Variants in CDH23 observed in about 807,000 individuals in gnomAD.
CDH23 encodes the protein cadherin related 23, also known as cadherin-23.
CDH23 carries 189 observed loss-of-function variants against 317.1 expected under a neutral mutation model. The observed-to-expected ratio is 0.60, with a 90% confidence interval of 0.53 to 0.67. The LOEUF (loss-of-function observed/expected upper bound fraction) is 0.67, where lower values mean the gene tolerates loss of function less well. Among genes scored for constraint, CDH23 ranks in the 30% least tolerant of loss-of-function variants. CDH23 has a pLI of 0.00. For synonymous variants in CDH23, 1,839 were observed against 1,876.8 expected (o/e 0.98, Z 0.52); for missense variants, 4,401 against 4,592.4 (o/e 0.96, Z 1.20).
chr10:71,510,924 G>GCCC (rs1367401807), intron 4 of CDH23, 30 bp from the exon 5 acceptor site: 1 of 1,613,450 alleles, frequency 6.2e-7, no homozygotes, highest in Non-Finnish European at 8.5e-7. Flanking sequence ...CCGCCTAACT[G>GCCC]CCCCCCTCCC....
intron 3 of CDH23, among the ~76,000 whole-genome samples, chr10:71,471,995 C>T (rs1851539879): frequency 6.6e-6 from 1 of 152,234 alleles, no homozygotes; most frequent in Non-Finnish European, 1.5e-5. Flanking sequence ...CCCACATCTA[C>T]AGGTGTGCCT....
At chr10:71,714,090 G>A (rs890250418) in intron 28 of CDH23, 9 of 152,268 alleles carry the variant, frequency 5.9e-5, no homozygotes, top group South Asian at 2.1e-4. Flanking sequence ...GAAATGCAGC[G>A]TCTCAGGATG....
intron 3 of CDH23, among the ~76,000 whole-genome samples, chr10:71,480,392 A>T (rs1047789417): frequency 6.6e-6 from 1 of 152,242 alleles, no homozygotes; most frequent in Non-Finnish European, 1.5e-5. Flanking sequence ...CAGGATGCAG[A>T]CACTGCTGTC....
chr10:71,803,952 T>C (rs1589432099), intron 55 of CDH23, among the ~76,000 whole-genome samples: 2 of 128,614 alleles, frequency 1.6e-5, no homozygotes, highest in African/African-American at 3.0e-5. Flanking sequence ...ACCACTACAC[T>C]CCAGCCCGGG....
chr10:71,682,389 G>C, intron 17 of CDH23, 56 bp from the exon 18 acceptor site: 1 of 1,593,638 alleles, frequency 6.3e-7, no homozygotes, highest in East Asian at 2.3e-5. Context: ...ACCCCTGTCT[G>C]GACGGGCATC....
At chr10:71,726,570 G>T (rs561419338) in intron 30 of CDH23, among the ~76,000 whole-genome samples, 2 of 152,364 alleles carry the variant, frequency 1.3e-5, no homozygotes, top group East Asian at 3.9e-4. Context: ...CTGTGGAAAT[G>T]GCTGAGAGGG....
intron 3 of CDH23, among the ~76,000 whole-genome samples, chr10:71,452,545 C>T (rs887152692): frequency 6.6e-6 from 1 of 152,146 alleles, no homozygotes; most frequent in African/African-American, 2.4e-5. Context: ...GCTCCTCTTT[C>T]AAGCTGCAGC....
At position 71,523,311 on chromosome 10, in the gene CDH23, G is replaced by C. The variant is rs77631563; in HGVS notation, c.429+12099G>C. ...TTTTCCTTTCCTGGTCAAGGCTGGG[G>C]CAGGGCCAGGGCAATGGGAGAAGAA... On this transcript the variant is annotated intron_variant, in intron 6 of 69. Coordinates refer to ENST00000224721, the MANE Select transcript of CDH23 (RefSeq NM_022124.6). Among the ~76,000 whole-genome samples, 77 of 152,292 alleles carry C rather than the reference G, an allele frequency of 5.1e-4. No homozygotes were observed. The East Asian group carries it at 0.014, about 28-fold the overall frequency.
chr10:71,427,806 G>T (rs1344760952), intron 1 of CDH23, among the ~76,000 whole-genome samples: 6 of 151,584 alleles, frequency 4.0e-5, no homozygotes, highest in African/African-American at 1.5e-4. Flanking sequence ...TCCACCTCCT[G>T]GGTTAAAGCG....
chr10:71,620,947 G>A (rs898300125), intron 11 of CDH23, among the ~76,000 whole-genome samples: 7 of 152,202 alleles, frequency 4.6e-5, no homozygotes, highest in Non-Finnish European at 7.3e-5. Flanking sequence ...GGAGCTGGCC[G>A]GGTGAATGCA....
intron 35 of CDH23, among the ~76,000 whole-genome samples, chr10:71,739,224 T>C (rs1274928738): frequency 6.6e-6 from 1 of 152,202 alleles, no homozygotes; most frequent in African/African-American, 2.4e-5. Context: ...TGGCTGGTTG[T>C]TCCATGTTTC....
At chr10:71,512,497 T>C (rs191656270) in intron 6 of CDH23, among the ~76,000 whole-genome samples, 9 of 152,326 alleles carry the variant, frequency 5.9e-5, no homozygotes, top group Admixed American at 6.5e-5. Flanking sequence ...TAAGGGTCTC[T>C]ACGTGCCAGC....
intron 9 of CDH23, among the ~76,000 whole-genome samples, chr10:71,598,739 T>C (rs1271253202): frequency 6.6e-6 from 1 of 152,248 alleles, no homozygotes; most frequent in Non-Finnish European, 1.5e-5. Flanking sequence ...GCCTCCTCCC[T>C]GGTCGAAAAG....
At chr10:71,495,556 G>A (rs1852912226) in intron 3 of CDH23, among the ~76,000 whole-genome samples, 1 of 152,046 alleles carries the variant, frequency 6.6e-6, no homozygotes, top group Non-Finnish European at 1.5e-5. Context: ...TCTTAAGCCG[G>A]GCACGGTGGC....
At chr10:71,407,802 CT>C (rs897049420) in intron 1 of CDH23, among the ~76,000 whole-genome samples, 3 of 152,152 alleles carry the variant, frequency 2.0e-5, no homozygotes, top group African/African-American at 2.4e-5. Context: ...AAAAATGCCC[CT>C]GGCAAGTGTG....
intron 6 of CDH23, among the ~76,000 whole-genome samples, chr10:71,535,871 CACGGTGTTG>C (rs1397305247): frequency 6.6e-6 from 1 of 152,270 alleles, no homozygotes; most frequent in African/African-American, 2.4e-5. Context: ...GCTCTCTCCA[CACGGTGTTG>C]AGTTGGGACA....
chr10:71,566,965 T>A, intron 7 of CDH23, 29 bp downstream of exon 7: 1 of 1,600,318 alleles, frequency 6.2e-7, no homozygotes, highest in Non-Finnish European at 8.5e-7. Flanking sequence ...GCCCCGGCCG[T>A]CCCAGCTGCC....
At chr10:71,432,287 A>AGT (rs912823757) in intron 1 of CDH23, among the ~76,000 whole-genome samples, 3 of 44,872 alleles carry the variant, frequency 6.7e-5, no homozygotes, top group African/African-American at 3.4e-4. Flanking sequence ...TGTGTTTGAG[A>AGT]GTGTGTGTGT....
chr10:71,688,911 C>CAGGGGTGGTGGAGT (rs1347943503), intron 19 of CDH23, among the ~76,000 whole-genome samples: 6 of 17,000 alleles, frequency 3.5e-4, no homozygotes, highest in Admixed American at 1.2e-3. Context: ...GATGGTGGAG[C>CAGGGGTGGTGGAGT]CAGGGGTGGT....
Sources: allele counts gnomAD v4.1 joint callset (sites outside exome capture counted in the v4.1 genomes callset), GRCh38; gene constraint gnomAD v4.1.1; transcripts MANE v1.5; gene names NCBI Gene and HGNC (gene_info 2026-07-23, HGNC 2026-07-21).